The following SORCS2 variants were observed in gnomAD, a reference collection of about 807,000 sequenced individuals.
The protein encoded by SORCS2 is sortilin related VPS10 domain containing receptor 2.
Under a neutral mutation model 141.6 loss-of-function variants are expected in SORCS2, and 100 were observed. That is an observed-to-expected ratio of 0.71 (90% confidence interval 0.60 to 0.83). The LOEUF (loss-of-function observed/expected upper bound fraction) is 0.83, where lower values mean the gene tolerates loss of function less well. Ranked by LOEUF, SORCS2 falls within the 40% of genes least tolerant of loss-of-function variation. The probability of loss-of-function intolerance (pLI) is 0.00; values close to 1 mark genes in which losing one functional copy is unlikely to be tolerated. For synonymous variants in SORCS2, 789 were observed against 676.9 expected (o/e 1.17, Z -2.57); for missense variants, 1,646 against 1,560.2 (o/e 1.05, Z -0.93).
intron 23 of SORCS2, 49 bp downstream of exon 23, chr4:7,729,761 G>A (rs1222771481): frequency 6.3e-7 from 1 of 1,577,938 alleles, no homozygotes; most frequent in South Asian, 1.1e-5. Context: ...CACATCCCAG[G>A]GCTCGGGTCA....
At chr4:7,709,351 C>T (rs375817503) in intron 14 of SORCS2, among the ~76,000 whole-genome samples, 13 of 152,214 alleles carry the variant, frequency 8.5e-5, no homozygotes, top group Admixed American at 3.9e-4. Flanking sequence ...CCCTTCGCCC[C>T]GGCTGTCATG....
At chr4:7,229,062 G>A (rs1711626847) in intron 1 of SORCS2, among the ~76,000 whole-genome samples, 2 of 152,196 alleles carry the variant, frequency 1.3e-5, no homozygotes, top group South Asian at 2.1e-4. Context: ...GTGCACCCAG[G>A]CCCCTTTGAT....
intron 1 of SORCS2, among the ~76,000 whole-genome samples, chr4:7,245,309 G>A (rs938665687): frequency 2.0e-5 from 3 of 152,248 alleles, no homozygotes; most frequent in African/African-American, 4.8e-5. Flanking sequence ...GACCTGGTGC[G>A]CCATGGATGT....
chr4:7,308,523 A>G (rs537888826), intron 1 of SORCS2, among the ~76,000 whole-genome samples: 53 of 152,274 alleles, frequency 3.5e-4, no homozygotes, highest in African/African-American at 1.1e-3. Flanking sequence ...GAGCGGTGTC[A>G]GACTGGCCTG....
At chr4:7,631,012 A>G (rs1464198622) in intron 3 of SORCS2, among the ~76,000 whole-genome samples, 1 of 150,646 alleles carries the variant, frequency 6.6e-6, no homozygotes, top group East Asian at 2.0e-4. Context: ...TAGCGAGGCG[A>G]GAAGTGGTTT....
intron 1 of SORCS2, among the ~76,000 whole-genome samples, chr4:7,263,517 G>C (rs557579067): frequency 2.0e-5 from 3 of 152,220 alleles, no homozygotes; most frequent in Non-Finnish European, 2.9e-5. Flanking sequence ...ACCTGATTGC[G>C]AACCTGCTGT....
intron 1 of SORCS2, among the ~76,000 whole-genome samples, chr4:7,226,529 C>T (rs568492453): frequency 2.6e-5 from 4 of 152,234 alleles, no homozygotes; most frequent in Admixed American, 6.5e-5. Flanking sequence ...GGGACTCATC[C>T]GGAACAGGCG....
At chr4:7,605,087 C>T (rs1209418239) in intron 3 of SORCS2, among the ~76,000 whole-genome samples, 1 of 152,194 alleles carries the variant, frequency 6.6e-6, no homozygotes, top group East Asian at 1.9e-4. Context: ...CAGCATGGGA[C>T]TGGTTTGATG....
chr4:7,438,539 T>A (rs1393616055), intron 2 of SORCS2, among the ~76,000 whole-genome samples: 2 of 152,206 alleles, frequency 1.3e-5, no homozygotes, highest in Non-Finnish European at 2.9e-5. Context: ...ATTTTCTAGC[T>A]CTGTCTTCCT....
At chr4:7,295,579 G>A (rs1396631262) in intron 1 of SORCS2, among the ~76,000 whole-genome samples, 1 of 152,194 alleles carries the variant, frequency 6.6e-6, no homozygotes, top group Non-Finnish European at 1.5e-5. Context: ...AAGCGCTGGT[G>A]GGGGCTGGAC....
chr4:7,424,555 G>T (rs1308154205), intron 2 of SORCS2, among the ~76,000 whole-genome samples: 1 of 152,212 alleles, frequency 6.6e-6, no homozygotes, highest in African/African-American at 2.4e-5. Flanking sequence ...GTCACCCAGT[G>T]TGTGGGTAAC....
At position 7,702,399 on chromosome 4, in the gene SORCS2, G is replaced by A. The variant is rs542649450; in HGVS notation, c.1669-881G>A. Among the ~76,000 whole-genome samples the A allele has an allele frequency of 6.6e-5, 10 of 152,350 alleles. No individual in the cohort carries two copies. The South Asian group carries it at 1.9e-3, about 28-fold the overall frequency. Reference sequence around the variant, plus strand: ...TTTGGGGCAGGCCCCTTGTGTCCTGGTGTGACTTTGGAGCCACCACCGGCT... The same window carrying A: ...TTTGGGGCAGGCCCCTTGTGTCCTGATGTGACTTTGGAGCCACCACCGGCT... On this transcript the variant is annotated intron_variant, in intron 12 of 26. Transcript: ENST00000507866.
chr4:7,658,364 G>A (rs1721941924), intron 5 of SORCS2, among the ~76,000 whole-genome samples: 1 of 150,956 alleles, frequency 6.6e-6, no homozygotes, highest in African/African-American at 2.4e-5. Flanking sequence ...GGGAGCCTGT[G>A]CCCCAGGTGT....
intron 8 of SORCS2, among the ~76,000 whole-genome samples, chr4:7,675,092 C>G (rs762695259): frequency 1.3e-5 from 2 of 152,238 alleles, no homozygotes; most frequent in Non-Finnish European, 2.9e-5. Context: ...TTACTCTTGC[C>G]TCCCACATAG....
In SORCS2 at chr4:7,235,473, G is replaced by A. The variant is rs183760123; in HGVS notation, c.480+42347G>A. Among the ~76,000 whole-genome samples the A allele has an allele frequency of 3.9e-5, 6 of 152,244 alleles. No homozygotes were observed. The East Asian group carries it at 1.2e-3, about 29-fold the overall frequency. On this transcript the variant is annotated intron_variant, in intron 1 of 26. Transcript: ENST00000507866. ...GTCCAATCCTGGTCCCCTTAGCCTTGAGTGACTGTGTCTTGACTGTAGGCT... is the reference window on the plus strand; with the variant it reads ...GTCCAATCCTGGTCCCCTTAGCCTTAAGTGACTGTGTCTTGACTGTAGGCT...
intron 1 of SORCS2, among the ~76,000 whole-genome samples, chr4:7,243,629 G>A (rs1296333026): frequency 2.0e-5 from 3 of 152,164 alleles, no homozygotes; most frequent in Non-Finnish European, 2.9e-5. Context: ...AGGCTCCCTC[G>A]CCAGACACAC....
At chr4:7,368,741 GTGA>G (rs1722066186) in intron 1 of SORCS2, among the ~76,000 whole-genome samples, 1 of 152,220 alleles carries the variant, frequency 6.6e-6, no homozygotes, top group Non-Finnish European at 1.5e-5. Flanking sequence ...GAATGCATAA[GTGA>G]TGTGGTTTGG....
chr4:7,248,103 G>A (rs1391951737), intron 1 of SORCS2, among the ~76,000 whole-genome samples: 3 of 152,282 alleles, frequency 2.0e-5, no homozygotes, highest in Non-Finnish European at 2.9e-5. Flanking sequence ...AGGTCTGGCC[G>A]GGCCTGAGCC....
intron 1 of SORCS2, among the ~76,000 whole-genome samples, chr4:7,210,586 G>A (rs1289462208): frequency 3.9e-5 from 6 of 152,248 alleles, no homozygotes; most frequent in East Asian, 1.9e-4. Context: ...TGGATCAAAC[G>A]CTTGACCTTG....
Sources: allele counts gnomAD v4.1 joint callset (sites outside exome capture counted in the v4.1 genomes callset), GRCh38; gene constraint gnomAD v4.1.1; transcripts MANE v1.5; gene names NCBI Gene and HGNC (gene_info 2026-07-23, HGNC 2026-07-21).